The following SLIT2 variants were observed in gnomAD, a reference collection of about 807,000 sequenced individuals.
SLIT2 encodes the protein slit homolog 2 protein.
A neutral mutation model predicts 185.7 loss-of-function variants in SLIT2; 41 were observed. The ratio of observed to expected loss-of-function variants is 0.22; its 90% confidence interval spans 0.17 to 0.29. The LOEUF (loss-of-function observed/expected upper bound fraction) is 0.29. Among genes scored for constraint, SLIT2 ranks in the 10% least tolerant of loss-of-function variants. The probability of loss-of-function intolerance (pLI) is 1.00; values close to 1 mark genes in which losing one functional copy is unlikely to be tolerated. For synonymous variants in SLIT2, 693 were observed against 680.2 expected (o/e 1.02, Z -0.29); for missense variants, 1,571 against 1,909.0 (o/e 0.82, Z 3.30).
At position 20,460,103 on chromosome 4, in the gene SLIT2, A is replaced by G. The variant is rs1476489789; in HGVS notation, c.396-7649A>G. Among the ~76,000 whole-genome samples the G allele has an allele frequency of 2.0e-5, 3 of 151,950 alleles. No individual in the cohort carries two copies. The East Asian group carries it at 5.8e-4, about 30-fold the overall frequency. On this transcript the variant is annotated intron_variant, in intron 4 of 36. Coordinates refer to ENST00000504154, the MANE Select transcript of SLIT2 (RefSeq NM_004787.4). ...GGTCTCGAACTCCTGACCTCAGGTG[A>G]TCCACCCACCTCAGCCTCCCAAAGG...
At chr4:20,313,877 C>G (rs1323106543) in intron 4 of SLIT2, among the ~76,000 whole-genome samples, 1 of 152,156 alleles carries the variant, frequency 6.6e-6, no homozygotes, top group Non-Finnish European at 1.5e-5. Context: ...CCTGGGCAAC[C>G]CGCTCCTCAC....
chr4:20,403,279 C>G (rs1451971714), intron 4 of SLIT2, among the ~76,000 whole-genome samples: 1 of 151,806 alleles, frequency 6.6e-6, no homozygotes, highest in African/African-American at 2.4e-5. Flanking sequence ...TTTTATTTTG[C>G]CTTACAATGA....
chr4:20,542,621 A>G lies in SLIT2; in HGVS notation c.2271A>G (p.Thr757=). The G allele has an allele frequency of 1.2e-6, 2 of 1,613,788 alleles. No individual in the cohort carries two copies. Among genetic ancestry groups the G allele is most frequent in the Non-Finnish European group, 1.7e-6 (2 of 1,179,756 alleles). Residue 757 remains threonine (T), a synonymous_variant, in exon 21 of 37, where the codon ACA becomes ACG. Transcript: ENST00000504154. Reference sequence around the variant, plus strand: ...CGAAAGGTATTCCAAGAGATGTCACAGAGTTGTAAGTAGAGCTTGTCTTTC... The same window carrying G: ...CGAAAGGTATTCCAAGAGATGTCACGGAGTTGTAAGTAGAGCTTGTCTTTC... The part of the protein sequence containing the change: ...VLPKGIPRDV[T]ELYLDGNQFT...
chr4:20,612,134 T>C (rs1330540765), intron 34 of SLIT2, among the ~76,000 whole-genome samples: 1 of 151,448 alleles, frequency 6.6e-6, no homozygotes, highest in Non-Finnish European at 1.5e-5. Flanking sequence ...TCTCAGCACT[T>C]TGGGAGGCTG....
chr4:20,276,351 A>G (rs545680191), intron 4 of SLIT2, among the ~76,000 whole-genome samples: 4 of 152,264 alleles, frequency 2.6e-5, no homozygotes, highest in African/African-American at 9.6e-5. Context: ...CTGGAGGGTT[A>G]ACCTTAAAAT....
chr4:20,331,482 T>C (rs1213762855), intron 4 of SLIT2, among the ~76,000 whole-genome samples: 1 of 152,176 alleles, frequency 6.6e-6, no homozygotes, highest in Non-Finnish European at 1.5e-5. Context: ...TAAATACATT[T>C]GTTTTCAAAT....
chr4:20,368,516 G>A (rs867059933), intron 4 of SLIT2, among the ~76,000 whole-genome samples: 77 of 152,098 alleles, frequency 5.1e-4, no homozygotes, highest in Middle Eastern at 6.8e-3. Flanking sequence ...AACACCTAAA[G>A]TAGGTGAAGA....
intron 9 of SLIT2, among the ~76,000 whole-genome samples, chr4:20,499,724 G>C (rs189595452): frequency 2.9e-4 from 44 of 152,102 alleles, no homozygotes; most frequent in African/African-American, 9.9e-4. Flanking sequence ...TCCTGACCTC[G>C]TGATCTGCCT....
intron 33 of SLIT2, among the ~76,000 whole-genome samples, chr4:20,604,894 G>A (rs1035754573): frequency 7.3e-5 from 11 of 151,252 alleles, no homozygotes; most frequent in African/African-American, 2.7e-4. Context: ...AGAGGGCAGT[G>A]GCACAATCTC....
chr4:20,525,077 C>A, intron 14 of SLIT2, 72 bp from the exon 15 acceptor site: 3 of 1,113,404 alleles, frequency 2.7e-6, no homozygotes, highest in Non-Finnish European at 4.1e-6. Flanking sequence ...CATTCTTAAT[C>A]TAATATAACT....
intron 4 of SLIT2, among the ~76,000 whole-genome samples, chr4:20,367,814 T>G (rs545461901): frequency 6.6e-6 from 1 of 152,142 alleles, no homozygotes; most frequent in Non-Finnish European, 1.5e-5. Context: ...ACCTCCTCAT[T>G]ATCTCTCCAG....
chr4:20,435,572 T>C (rs942785643), intron 4 of SLIT2, among the ~76,000 whole-genome samples: 1 of 152,176 alleles, frequency 6.6e-6, no homozygotes, highest in Non-Finnish European at 1.5e-5. Context: ...CCACATTGAA[T>C]TGGCTCTGGA....
In SLIT2 at chr4:20,254,113, C is replaced by A; in HGVS notation, c.179+119C>A. The A allele has an allele frequency of 3.0e-6, 3 of 1,012,824 alleles. No homozygotes were observed. The highest frequency in any genetic ancestry group is 4.4e-6 in the Non-Finnish European group (3 of 686,486). 62.7% of individuals were successfully genotyped at this position (1,012,824 alleles called of 1,614,324 possible). On this transcript the variant is annotated intron_variant, in intron 1 of 36. Coordinates refer to ENST00000504154, the MANE Select transcript of SLIT2 (RefSeq NM_004787.4). The surrounding 1 kb of genome is among the most constrained non-coding windows in gnomAD (Gnocchi z 5.1). ...GGGGCAGCCCTCGCTAGCTCTCCCC[C>A]ATGCACATCCTGGGGTTGAGCTCTC... is the stretch of plus-strand genomic sequence containing the variant.
chr4:20,549,151 AAT>A, intron 24 of SLIT2, 23 bp downstream of exon 24: 1 of 1,427,506 alleles, frequency 7.0e-7, no homozygotes, highest in African/African-American at 1.4e-5. Context: ...TGTTCAACAG[AAT>A]ATCTCTTTTC....
At chr4:20,353,545 T>A (rs983744073) in intron 4 of SLIT2, among the ~76,000 whole-genome samples, 1 of 152,078 alleles carries the variant, frequency 6.6e-6, no homozygotes, top group African/African-American at 2.4e-5. Context: ...CAAAAAGCGG[T>A]TATTTTATGT....
intron 29 of SLIT2, among the ~76,000 whole-genome samples, chr4:20,574,083 T>C (rs1725860380): frequency 6.6e-6 from 1 of 151,892 alleles, no homozygotes; most frequent in African/African-American, 2.4e-5. Context: ...GCCTCCCAAG[T>C]AGCTGGGACT....
chr4:20,256,129 G>C (rs1233133501), intron 1 of SLIT2, among the ~76,000 whole-genome samples: 1 of 152,176 alleles, frequency 6.6e-6, no homozygotes, highest in Non-Finnish European at 1.5e-5. Flanking sequence ...CAGAATTGTT[G>C]GAAGGTAAAT....
chr4:20,363,419 A>C (rs61789388), intron 4 of SLIT2, among the ~76,000 whole-genome samples: 17,122 of 152,156 alleles, frequency 0.11, 1,031 homozygotes, highest in South Asian at 0.17. Context: ...GAGAATTTAC[A>C]TCTATGTTTG....
intron 22 of SLIT2, among the ~76,000 whole-genome samples, chr4:20,546,958 C>T (rs998917540): frequency 7.9e-5 from 12 of 151,928 alleles, no homozygotes; most frequent in African/African-American, 2.7e-4. Context: ...ATATTACTAG[C>T]GTAAGAAGCA....
Sources: allele counts gnomAD v4.1 joint callset (sites outside exome capture counted in the v4.1 genomes callset), GRCh38; gene constraint gnomAD v4.1.1; non-coding constraint Gnocchi (gnomAD v3.1); transcripts MANE v1.5; gene names NCBI Gene and HGNC (gene_info 2026-07-23, HGNC 2026-07-21).